RP1L1: variants seen among roughly 807,000 people sequenced by gnomAD.
The protein encoded by RP1L1 is RP1 like 1, also known as retinitis pigmentosa 1-like 1 protein.
In RP1L1, 27 loss-of-function variants were observed where a neutral mutation model predicts 15.7. The ratio of observed to expected loss-of-function variants is 1.72; its 90% CI spans 1.27 to 2.38. RP1L1 has a LOEUF of 2.38. RP1L1 is among the 30% of genes most tolerant of loss of function. RP1L1 has a pLI of 0.00. For synonymous variants in RP1L1, 1,813 were observed against 1,276.7 expected, an observed-to-expected ratio of 1.42 and a Z score of -8.96; for missense variants, 4,798 against 3,075.9, an observed-to-expected ratio of 1.56 and a Z score of -13.24.
At chr8:10,613,504 C>T (rs1427559446) in intron 3 of RP1L1, among the ~76,000 whole-genome samples, 158 bp from the exon 4 acceptor site, 1 of 150,890 alleles carries the variant, frequency 6.6e-6, no homozygotes, top group African/African-American at 2.4e-5. Context: ...TGGCTCAGGC[C>T]TGTAATCCAA....
intron 1 of RP1L1, among the ~76,000 whole-genome samples, chr8:10,641,307 G>A (rs1487928321): frequency 1.3e-5 from 2 of 152,198 alleles, no homozygotes; most frequent in African/African-American, 2.4e-5. Flanking sequence ...TCCTAGAGCA[G>A]CTTGGATCCT....
chr8:10,635,899 C>T (rs1429406742), intron 1 of RP1L1, among the ~76,000 whole-genome samples: 1 of 152,316 alleles, frequency 6.6e-6, no homozygotes, highest in East Asian at 1.9e-4. Flanking sequence ...CTGGAAGATC[C>T]CCCGGGTCAG....
At position 10,608,735 on chromosome 8, in the gene RP1L1, C is replaced by G. The variant is rs768959459; in HGVS notation, c.5363G>C (p.Gly1788Ala). The G allele has an allele frequency of 6.2e-7, 1 of 1,614,248 alleles. No homozygotes were observed. Among genetic ancestry groups the G allele is most frequent in the Non-Finnish European group, 8.5e-7 (1 of 1,180,050 alleles). Residue 1788 changes from glycine (G) to alanine (A), a missense_variant, in exon 4 of 4, where the codon GGG becomes GCG. Physicochemically the swap from Gly to Ala is moderately conservative, Grantham distance 60. Coordinates refer to ENST00000382483, the MANE Select transcript of RP1L1 (RefSeq NM_178857.6). ...GCCCTCTCCCTCCTGCTCAGCTTCC[C>G]CCAACTCACTGCCCGCACTGGTTTC... ...NSETSAGSELGEAEQEGEGIS... is the reference protein window; with the variant it reads ...NSETSAGSELAEAEQEGEGIS...
Position 10,613,192 on chromosome 8 carries a change from C to T in RP1L1, c.906G>A (p.Pro302=), listed in dbSNP as rs368862886. 743 of 1,613,634 alleles carry T rather than the reference C, an allele frequency of 4.6e-4. No individual in the cohort carries two copies. Among genetic ancestry groups the T allele is most frequent in the Non-Finnish European group, 5.4e-4 (634 of 1,180,004 alleles). ...HPQDTPAQSG[P]LVAGDDMKKK... Reference sequence around the variant, plus strand: ...TCTTCATGTCATCGCCAGCCACCAGCGGGCCCGACTGAGCTGGCGTGTCCT... The same window carrying T: ...TCTTCATGTCATCGCCAGCCACCAGTGGGCCCGACTGAGCTGGCGTGTCCT... The change falls in exon 4 of 4, where the codon CCG becomes CCA. Residue 302 remains proline (P), a synonymous_variant. Coordinates refer to ENST00000382483, the MANE Select transcript of RP1L1 (RefSeq NM_178857.6).
At chr8:10,627,947 C>T (rs1798183738) in intron 1 of RP1L1, among the ~76,000 whole-genome samples, 1 of 152,176 alleles carries the variant, frequency 6.6e-6, no homozygotes, top group Non-Finnish European at 1.5e-5. Context: ...TACTGTGTGC[C>T]AGACCTTTAC....
intron 2 of RP1L1, among the ~76,000 whole-genome samples, chr8:10,622,086 C>T (rs750895435): frequency 3.3e-5 from 5 of 151,984 alleles, no homozygotes; most frequent in Non-Finnish European, 7.4e-5. Flanking sequence ...CTTTGGGAGG[C>T]CGAATCGGGC....
chr8:10,611,807 C>A lies in RP1L1; in HGVS notation c.2291G>T (p.Gly764Val). The A allele has an allele frequency of 6.2e-7, 1 of 1,613,652 alleles. No homozygotes were observed. The highest frequency in any genetic ancestry group is 8.5e-7 in the Non-Finnish European group (1 of 1,180,022). The change falls in exon 4 of 4, where the codon GGG (glycine) becomes GTG (valine). Residue 764 changes from glycine (G) to valine (V), a missense_variant. Coordinates refer to ENST00000382483, the MANE Select transcript of RP1L1 (RefSeq NM_178857.6). Reference sequence around the variant, plus strand: ...CGAGCATGTCCTGGACCCCGCGTCCCCTGCCCACCCGGCAGAGGGAGCGTT... The same window carrying A: ...CGAGCATGTCCTGGACCCCGCGTCCACTGCCCACCCGGCAGAGGGAGCGTT... The part of the protein sequence containing the change: ...PHNAPSAGWA[G>V]DAGSRTCSPA...
intron 2 of RP1L1, 28 bp from the exon 3 acceptor site, chr8:10,616,615 G>A (rs922537376): frequency 6.3e-7 from 1 of 1,599,462 alleles, no homozygotes; most frequent in Non-Finnish European, 8.5e-7. Context: ...GGGGTCAGGA[G>A]GCCTGGGCTG....
rs779237468 is a variant in RP1L1 at position 10,607,270 on chromosome 8, C to T, written c.6828G>A (p.Arg2276=). 15 of 1,614,088 alleles carry T rather than the reference C, an allele frequency of 9.3e-6. No individual in the cohort carries two copies. The South Asian group carries it at 1.2e-4, about 13-fold the overall frequency. The part of the protein sequence containing the change: ...SESSSPVPED[R]PTPPPSPGGD... ...CACCTGGGGAAGGGGGTGGAGTGGG[C>T]CTGTCCTCAGGGACTGGGCTGCTGC... Residue 2276 remains arginine (R), a synonymous_variant, in exon 4 of 4, where the codon AGG becomes AGA. Transcript: ENST00000382483.
intron 1 of RP1L1, among the ~76,000 whole-genome samples, chr8:10,643,332 C>G: frequency 6.6e-6 from 1 of 151,998 alleles, no homozygotes; most frequent in East Asian, 1.9e-4. Flanking sequence ...AGAGTGAGAC[C>G]TTGCCTAGAA....
intron 1 of RP1L1, among the ~76,000 whole-genome samples, chr8:10,642,283 T>G (rs1798418067): frequency 6.6e-6 from 1 of 152,192 alleles, no homozygotes; most frequent in African/African-American, 2.4e-5. Context: ...AGTTCCTATT[T>G]TGGGGGACTG....
chr8:10,645,121 G>T (rs529841318), intron 1 of RP1L1, among the ~76,000 whole-genome samples: 2 of 152,166 alleles, frequency 1.3e-5, no homozygotes, highest in Admixed American at 6.5e-5. Context: ...AAGGCCAGGA[G>T]TTCGAGACAA....
At chr8:10,620,226 T>C (rs1390409995) in intron 2 of RP1L1, among the ~76,000 whole-genome samples, 3 of 152,180 alleles carry the variant, frequency 2.0e-5, no homozygotes, top group Non-Finnish European at 4.4e-5. Flanking sequence ...GCTATAAAAT[T>C]AGTTCTTTGG....
intron 1 of RP1L1, among the ~76,000 whole-genome samples, chr8:10,649,301 G>A (rs1798524752): frequency 6.6e-6 from 1 of 152,212 alleles, no homozygotes; most frequent in South Asian, 2.1e-4. Context: ...TAGGCACTCA[G>A]GCATGTGTCG....
intron 1 of RP1L1, among the ~76,000 whole-genome samples, chr8:10,644,468 TAA>T (rs1305375444): frequency 1.3e-5 from 2 of 152,190 alleles, no homozygotes; most frequent in African/African-American, 4.8e-5. Context: ...CACATGGGTG[TAA>T]GTCCCCCAGC....
rs534699031 is a variant in RP1L1, at chr8:10,634,811, C to T, written c.-19-11591G>A. On this transcript the variant is annotated intron_variant, in intron 1 of 3. Coordinates refer to ENST00000382483, the MANE Select transcript of RP1L1 (RefSeq NM_178857.6). The stretch of plus-strand genomic sequence containing the variant: ...CAGGTAGAGCAAGTCCACCTGCAGG[C>T]ATTATGGCTCTTCCACCTGGTGTGA... Among the ~76,000 whole-genome samples the T allele has an allele frequency of 2.6e-5, 4 of 152,266 alleles. No individual in the cohort carries two copies. In the East Asian group the frequency reaches 7.8e-4, roughly 30 times the overall value.
In RP1L1 at chr8:10,609,513, C is replaced by G. The variant is rs1797786298; in HGVS notation, c.4585G>C (p.Ala1529Pro). ...GCACTGGCAAGGTGGGCCAGGAAGG[C>G]CTTCTCCGTCTTCTTCAGTAACACG... Reference protein sequence around the residue: ...VSVLLKKTEKAFLAHLASAVA... With the variant: ...VSVLLKKTEKPFLAHLASAVA... Residue 1529 changes from alanine to proline, a missense_variant, in exon 4 of 4, where the codon GCC becomes CCC. Coordinates refer to ENST00000382483, the MANE Select transcript of RP1L1 (RefSeq NM_178857.6). The G allele has an allele frequency of 8.7e-6, 14 of 1,609,356 alleles. No homozygotes were observed. The highest frequency in any genetic ancestry group is 1.3e-5 in the African/African-American group (1 of 74,900).
At chr8:10,614,687 A>G (rs1023797998) in intron 3 of RP1L1, among the ~76,000 whole-genome samples, 4 of 151,128 alleles carry the variant, frequency 2.6e-5, no homozygotes, top group African/African-American at 9.7e-5. Context: ...AAAGAAAAGA[A>G]AAAAGAAAGG....
chr8:10,641,846 T>C (rs1044184769), intron 1 of RP1L1, among the ~76,000 whole-genome samples: 1 of 152,210 alleles, frequency 6.6e-6, no homozygotes, highest in Non-Finnish European at 1.5e-5. Flanking sequence ...GAACTATTGG[T>C]ACACACAAAA....
Sources: allele counts gnomAD v4.1 joint callset (sites outside exome capture counted in the v4.1 genomes callset), GRCh38; gene constraint gnomAD v4.1.1; transcripts MANE v1.5; gene names NCBI Gene and HGNC (gene_info 2026-07-23, HGNC 2026-07-21).